BPTF: variants seen among roughly 807,000 people sequenced by gnomAD.
BPTF encodes the protein nucleosome-remodeling factor subunit BPTF.
Under a neutral mutation model 292.5 loss-of-function variants are expected in BPTF, and 18 were observed. That is an observed-to-expected ratio of 0.06 (90% CI 0.04 to 0.09). The LOEUF (loss-of-function observed/expected upper bound fraction) is 0.09, where lower values mean the gene tolerates loss of function less well. Ranked by LOEUF, BPTF falls within the 10% of genes least tolerant of loss-of-function variation. The probability of loss-of-function intolerance (pLI) is 1.00; values close to 1 mark genes in which losing one functional copy is unlikely to be tolerated. For missense variants in BPTF, 2,726 were observed against 3,498.7 expected (o/e 0.78, Z 5.57); for synonymous variants, 1,225 against 1,251.9 (o/e 0.98, Z 0.45).
intron 27 of BPTF, among the ~76,000 whole-genome samples, chr17:67,978,381 A>C (rs545958051): frequency 6.7e-6 from 1 of 149,756 alleles, no homozygotes; most frequent in Non-Finnish European, 1.5e-5. Flanking sequence ...TCGCTGCAAC[A>C]TCTGCCTCCT....
At chr17:67,902,343 C>T (rs76955879) in intron 7 of BPTF, among the ~76,000 whole-genome samples, 2,534 of 152,248 alleles carry the variant, frequency 0.017, 47 homozygotes, top group East Asian at 0.094. Context: ...AGAAGCCAAG[C>T]CCTCAAAATC....
In BPTF at chr17:67,893,643, A is replaced by G; in HGVS notation, c.2329A>G (p.Ile777Val). The G allele has an allele frequency of 6.2e-7, 1 of 1,611,914 alleles. No individual in the cohort carries two copies. The highest frequency in any genetic ancestry group is 1.7e-5 in the Admixed American group (1 of 59,982). ...TGTCCATGGGTCCAAAGTTCTTACCATATCTACTCTGAGACTGACTATCAC... is the reference window on the plus strand; with the variant it reads ...TGTCCATGGGTCCAAAGTTCTTACCGTATCTACTCTGAGACTGACTATCAC... ...GSVHGSKVLT[I>V]STLRLTITQL... Residue 777 changes from isoleucine (I) to valine (V), a missense_variant, in exon 6 of 28, where the codon ATA (isoleucine) becomes GTA (valine). Coordinates refer to ENST00000306378, the MANE Select transcript of BPTF (RefSeq NM_182641.4).
Position 67,866,593 on chromosome 17 carries a change from A to G in BPTF, c.1566A>G (p.Glu522=). The G allele has an allele frequency of 6.2e-7, 1 of 1,614,068 alleles. No homozygotes were observed. ...CAGAACTCTGCAAAATTCTAGAAGA[A>G]ATGCGTGAAGAAATCCACCGACACA... ...WEAELCKILE[E]MREEIHRHMD... is the part of the protein sequence containing the mutation. Residue 522 remains glutamate (E), a synonymous_variant, in exon 3 of 28, where the codon GAA becomes GAG. Transcript: ENST00000306378.
chr17:67,899,893 A>G (rs987148680), intron 7 of BPTF, among the ~76,000 whole-genome samples: 3 of 152,174 alleles, frequency 2.0e-5, no homozygotes, highest in Non-Finnish European at 2.9e-5. Context: ...TTCTAAAAGT[A>G]TAAGGAAAAA....
Position 67,911,164 on chromosome 17 carries a change from A to G in BPTF, c.3280A>G (p.Thr1094Ala). Residue 1094 changes from threonine to alanine, a missense_variant, in exon 11 of 28, where the codon ACT (threonine) becomes GCT (alanine). Thr to Ala is a moderately conservative substitution (Grantham distance 58). Transcript: ENST00000306378. ...LEGGIKGIGK[T>A]STNSSKNLSE... is the part of the protein sequence containing the mutation. ...GGGTGGAATTAAGGGTATAGGAAAG[A>G]CTTCTACAAATTCTTCAAAAAATCT... 6.2e-7 allele frequency: 1 copy of G among 1,613,908 alleles called. No homozygotes were observed. The highest frequency in any genetic ancestry group is 1.1e-5 in the South Asian group (1 of 91,068).
chr17:67,851,993 T>A (rs971953108), intron 1 of BPTF, among the ~76,000 whole-genome samples: 6 of 141,978 alleles, frequency 4.2e-5, no homozygotes, highest in Non-Finnish European at 7.7e-5. Flanking sequence ...TTGAAATTGA[T>A]AATGAGTGTA....
intron 13 of BPTF, among the ~76,000 whole-genome samples, chr17:67,922,452 T>C (rs1230698831): frequency 6.6e-6 from 1 of 152,120 alleles, no homozygotes; most frequent in Admixed American, 6.5e-5. Context: ...TAGGCTTTTG[T>C]AGGAAGTTGA....
chr17:67,935,858 A>C (rs940178084), intron 18 of BPTF, among the ~76,000 whole-genome samples: 37 of 151,538 alleles, frequency 2.4e-4, no homozygotes, highest in African/African-American at 6.6e-4. Context: ...CACAAAACTG[A>C]AAAAAAGAAT....
At chr17:67,907,766 A>G (rs2062332079) in intron 9 of BPTF, among the ~76,000 whole-genome samples, 1 of 152,174 alleles carries the variant, frequency 6.6e-6, no homozygotes, top group Non-Finnish European at 1.5e-5. Flanking sequence ...ATGTATCTCT[A>G]CGTAGACATT....
chr17:67,964,859 C>T (rs1158674140), intron 25 of BPTF, among the ~76,000 whole-genome samples: 16 of 151,258 alleles, frequency 1.1e-4, no homozygotes, highest in East Asian at 9.8e-4. Context: ...ATTAGCTGGG[C>T]GTGGTGGCGG....
chr17:67,953,447 A>G (rs2066586540), intron 23 of BPTF, among the ~76,000 whole-genome samples: 1 of 149,624 alleles, frequency 6.7e-6, no homozygotes, highest in Non-Finnish European at 1.5e-5. Context: ...TTGAAGAGAT[A>G]GGGTTTTGCC....
intron 23 of BPTF, among the ~76,000 whole-genome samples, chr17:67,954,703 T>C (rs1399246442): frequency 1.3e-5 from 2 of 152,228 alleles, no homozygotes; most frequent in Non-Finnish European, 2.9e-5. Flanking sequence ...TTATTTTCAT[T>C]TGTATGTTTT....
At chr17:67,952,132 A>ATCC (rs1381401795) in intron 23 of BPTF, among the ~76,000 whole-genome samples, 25 of 151,726 alleles carry the variant, frequency 1.6e-4, no homozygotes, top group Admixed American at 5.9e-4. Context: ...AACATGGTGA[A>ATCC]TCCCCGTCTC....
intron 4 of BPTF, among the ~76,000 whole-genome samples, chr17:67,879,325 A>G (rs2060245362): frequency 6.6e-6 from 1 of 151,912 alleles, no homozygotes; most frequent in Admixed American, 6.6e-5. Flanking sequence ...TATTTTTAGT[A>G]GAGACGGGGT....
At chr17:67,849,877 G>A (rs552543639) in intron 1 of BPTF, among the ~76,000 whole-genome samples, 10 of 152,038 alleles carry the variant, frequency 6.6e-5, no homozygotes, top group South Asian at 2.1e-4. Flanking sequence ...GGTGACAGAC[G>A]TTGCAGTGAG....
chr17:67,940,333 T>A, intron 18 of BPTF, 106 bp from the exon 19 acceptor site: 1 of 1,052,142 alleles, frequency 9.5e-7, no homozygotes, highest in South Asian at 1.5e-5. Context: ...TCCCAGTGTT[T>A]TTTTGAAGAT....
intron 7 of BPTF, among the ~76,000 whole-genome samples, chr17:67,902,878 G>A (rs1471556738): frequency 2.6e-5 from 4 of 152,216 alleles, no homozygotes; most frequent in Non-Finnish European, 5.9e-5. Context: ...GATAAAAGCA[G>A]TTCTTCTGCC....
At chr17:67,856,914 A>AGG (rs1186046408) in intron 2 of BPTF, among the ~76,000 whole-genome samples, 2 of 152,064 alleles carry the variant, frequency 1.3e-5, no homozygotes, top group Non-Finnish European at 2.9e-5. Flanking sequence ...GGCAGCTTGA[A>AGG]GGGGAGAATG....
chr17:67,963,898 C>A (rs1485595407), intron 24 of BPTF, among the ~76,000 whole-genome samples: 1 of 152,150 alleles, frequency 6.6e-6, no homozygotes. Flanking sequence ...GGATTTTGAA[C>A]ACCCATATGG....
Sources: allele counts gnomAD v4.1 joint callset (sites outside exome capture counted in the v4.1 genomes callset), GRCh38; gene constraint gnomAD v4.1.1; transcripts MANE v1.5; gene names NCBI Gene and HGNC (gene_info 2026-07-23, HGNC 2026-07-21).